MRE11: variants seen among roughly 807,000 people sequenced by gnomAD.
The protein encoded by MRE11 is MRE11 double strand break repair nuclease, also known as double-strand break repair protein MRE11.
In MRE11, 62 loss-of-function variants were observed where a neutral mutation model predicts 91.7. The observed-to-expected ratio is 0.68, with a 90% CI of 0.55 to 0.84. MRE11 has a LOEUF of 0.84. Among genes scored for constraint, MRE11 ranks in the 40% least tolerant of loss-of-function variants. The pLI is 0.00. For missense variants in MRE11, 796 were observed against 852.9 expected (o/e 0.93, Z 0.83); for synonymous variants, 273 against 271.4 (o/e 1.01, Z -0.06).
intron 14 of MRE11, among the ~76,000 whole-genome samples, chr11:94,448,848 A>G (rs1307406633): frequency 6.6e-6 from 1 of 152,186 alleles, no homozygotes; most frequent in African/African-American, 2.4e-5. Context: ...CTTCCCTTAA[A>G]CCAATCAAAA....
At chr11:94,508,844 C>A in the MRE11 span, among the ~76,000 whole-genome samples, 20 of 151,798 alleles carry the variant, frequency 1.3e-4, no homozygotes, top group African/African-American at 4.6e-4. Context: ...TCACTGCAAC[C>A]TCTGCCTCCT....
chr11:94,494,626 T>G (rs978850553), upstream of MRE11, among the ~76,000 whole-genome samples: 3 of 152,126 alleles, frequency 2.0e-5, 1 homozygote, highest in African/African-American at 7.2e-5. Flanking sequence ...ATCAGGAATA[T>G]CATCATCAAG....
chr11:94,511,456 G>A, the MRE11 span, among the ~76,000 whole-genome samples: 1 of 152,128 alleles, frequency 6.6e-6, no homozygotes, highest in Non-Finnish European at 1.5e-5. Context: ...AATTGTCATA[G>A]TAATGTAAAC....
intron 17 of MRE11, among the ~76,000 whole-genome samples, chr11:94,436,182 T>C (rs564196518): frequency 1.6e-4 from 25 of 152,180 alleles, no homozygotes; most frequent in Non-Finnish European, 3.1e-4. Context: ...CATAGGCTCA[T>C]ATGCAGACCT....
intron 4 of MRE11, among the ~76,000 whole-genome samples, chr11:94,482,281 A>T (rs114384584): frequency 6.6e-6 from 1 of 152,248 alleles, no homozygotes; most frequent in Non-Finnish European, 1.5e-5. Flanking sequence ...AAGGTAGAGT[A>T]GTTAAGTGAC....
intron 14 of MRE11, among the ~76,000 whole-genome samples, chr11:94,453,056 C>T (rs1395393582): frequency 6.6e-6 from 1 of 152,070 alleles, no homozygotes; most frequent in Admixed American, 6.5e-5. Context: ...CTCTAGGTAC[C>T]TCATATAAGT....
rs587782669 is a variant in MRE11, at chr11:94,479,674, C to T, written c.402G>A (p.Gly134=). Residue 134 remains glycine (G), a splice_region_variant and synonymous_variant, in exon 5 of 20, where the codon GGG becomes GGA. Coordinates refer to ENST00000323929, the MANE Select transcript of MRE11 (RefSeq NM_005591.4). The stretch of plus-strand genomic sequence containing the variant: ...CAAACTCTAAGAAAACAATAATTAC[C>T]CCTGTGGGATCGTCATGATTGCCAT... ...SIHGNHDDPT[G]ADALCALDIL... is the part of the protein sequence containing the mutation. The T allele has an allele frequency of 6.2e-7, 1 of 1,610,552 alleles. No individual in the cohort carries two copies. The highest frequency in any genetic ancestry group is 8.5e-7 in the Non-Finnish European group (1 of 1,177,580).
chr11:94,512,188 T>C, the MRE11 span, among the ~76,000 whole-genome samples: 2 of 152,238 alleles, frequency 1.3e-5, no homozygotes, highest in Non-Finnish European at 2.9e-5. Context: ...CGGTGCCGCT[T>C]CCTAGCTATG....
intron 4 of MRE11, among the ~76,000 whole-genome samples, chr11:94,482,151 TAA>T (rs1364729941): frequency 2.0e-5 from 3 of 152,210 alleles, no homozygotes; most frequent in African/African-American, 7.2e-5. Context: ...GAGAAAATCT[TAA>T]GTTACCCAAG....
chr11:94,461,087 T>C lies in MRE11; in HGVS notation c.1226-51A>G, dbSNP rs376345971. The stretch of plus-strand genomic sequence containing the variant: ...AATAGCTTCTATCATAATGTTAAAA[T>C]GTGCATACTCATTGCAAGTTGTCAG... On this transcript the variant is annotated intron_variant, in intron 11 of 19. Coordinates refer to ENST00000323929, the MANE Select transcript of MRE11 (RefSeq NM_005591.4). The C allele has an allele frequency of 6.1e-6, 9 of 1,467,998 alleles. No homozygotes were observed. In the African/African-American group the frequency reaches 8.4e-5, roughly 14 times the overall value. 90.9% of individuals were successfully genotyped at this position (1,467,998 alleles called of 1,614,324 possible). A position where few individuals can be genotyped will look rare whatever the true frequency, so the allele number is the denominator to read the frequency against.
intron 16 of MRE11, among the ~76,000 whole-genome samples, chr11:94,440,446 T>A (rs1366702963): frequency 1.4e-5 from 2 of 139,218 alleles, no homozygotes; most frequent in Admixed American, 7.2e-5. Flanking sequence ...AAAAAAAAAA[T>A]TCTCAATGGC....
the MRE11 span, among the ~76,000 whole-genome samples, chr11:94,501,759 CA>C: frequency 4.6e-3 from 428 of 93,500 alleles, no homozygotes; most frequent in African/African-American, 0.011. Context: ...TCACTTTGGG[CA>C]AAAAAAAAAA....
intron 3 of MRE11, among the ~76,000 whole-genome samples, chr11:94,489,982 CA>C (rs1234936169): frequency 6.6e-6 from 1 of 152,162 alleles, no homozygotes; most frequent in Non-Finnish European, 1.5e-5. Context: ...TACAACTAAC[CA>C]AAGTACACAA....
chr11:94,488,282 T>G (rs1017510131), intron 3 of MRE11, among the ~76,000 whole-genome samples: 1 of 152,184 alleles, frequency 6.6e-6, no homozygotes, highest in South Asian at 2.1e-4. Flanking sequence ...TTACATTCTA[T>G]TATTGAAAAG....
At chr11:94,510,361 AC>A in the MRE11 span, among the ~76,000 whole-genome samples, 2 of 152,218 alleles carry the variant, frequency 1.3e-5, no homozygotes, top group Non-Finnish European at 2.9e-5. Flanking sequence ...TATTGGTGAA[AC>A]TAATCTTAAA....
At chr11:94,474,435 A>G (rs935571263) in intron 7 of MRE11, among the ~76,000 whole-genome samples, 1 of 143,738 alleles carries the variant, frequency 7.0e-6, no homozygotes, top group Non-Finnish European at 1.6e-5. Flanking sequence ...CTTCAAGTCC[A>G]TAATGACATA....
In MRE11 at chr11:94,471,638, A is replaced by C. The variant is rs200771959; in HGVS notation, c.781T>G (p.Phe261Val). Reference protein sequence around the residue: ...IAPTKNEQQLFYISQPGSSVV... With the variant: ...IAPTKNEQQLVYISQPGSSVV... ...GAGCTTCCAGGTTGTGAGATATAAA[A>C]CAGCTGTTGTTCATTTTTGGTTGGA... is the stretch of plus-strand genomic sequence containing the variant. Residue 261 changes from phenylalanine to valine, a missense_variant, in exon 8 of 20, where the codon TTT (phenylalanine) becomes GTT (valine). Coordinates refer to ENST00000323929, the MANE Select transcript of MRE11 (RefSeq NM_005591.4). 1 of 1,612,886 alleles carries C rather than the reference A, an allele frequency of 6.2e-7. No individual in the cohort carries two copies. The highest frequency in any genetic ancestry group is 8.5e-7 in the Non-Finnish European group (1 of 1,179,136).
At chr11:94,445,617 T>C (rs547922503) in intron 16 of MRE11, 193 bp downstream of exon 16, 3 of 550,020 alleles carry the variant, frequency 5.5e-6, no homozygotes, top group South Asian at 2.0e-5. Flanking sequence ...CTATAAAACA[T>C]GATTTTAAAA....
At chr11:94,504,036 G>GA in the MRE11 span, among the ~76,000 whole-genome samples, 1 of 152,120 alleles carries the variant, frequency 6.6e-6, no homozygotes, top group African/African-American at 2.4e-5. Context: ...TATCTTCTTG[G>GA]AAAAAACATG....
Sources: allele counts gnomAD v4.1 joint callset (sites outside exome capture counted in the v4.1 genomes callset), GRCh38; gene constraint gnomAD v4.1.1; transcripts MANE v1.5; gene names NCBI Gene and HGNC (gene_info 2026-07-23, HGNC 2026-07-21).